POU2AF2: variants seen among roughly 807,000 people sequenced by gnomAD.
POU2AF2 encodes the protein POU domain class 2-associating factor 2.
At chr11:111,268,284 T>G in the POU2AF2 span, among the ~76,000 whole-genome samples, 2 of 152,070 alleles carry the variant, frequency 1.3e-5, no homozygotes, top group South Asian at 4.1e-4. Flanking sequence ...ACCACTGCAA[T>G]TACAGGAAAT....
At chr11:111,264,573 A>AAGGAGAGAGAG in the POU2AF2 span, among the ~76,000 whole-genome samples, 2 of 31,796 alleles carry the variant, frequency 6.3e-5, no homozygotes, top group African/African-American at 2.3e-4. Context: ...AGAAAGAAAG[A>AAGGAGAGAGAG]AAGGGAGAGA....
the POU2AF2 span, chr11:111,285,681 ACGGTCTCAGCCAGC>A: frequency 6.2e-7 from 1 of 1,613,218 alleles, no homozygotes; most frequent in Non-Finnish European, 8.5e-7. Flanking sequence ...ACGTTGCCTG[ACGGTCTCAGCCAGC>A]CTGACCCTGT....
chr11:111,265,464 G>T, the POU2AF2 span, among the ~76,000 whole-genome samples: 525 of 152,140 alleles, frequency 3.5e-3, 7 homozygotes, highest in African/African-American at 0.012. Context: ...ACAGACCAAG[G>T]TTCTGACTCT....
At chr11:111,263,727 A>C in the POU2AF2 span, among the ~76,000 whole-genome samples, 1 of 151,968 alleles carries the variant, frequency 6.6e-6, no homozygotes, top group African/African-American at 2.4e-5. Context: ...CACTGTGCCC[A>C]GCCTGAAGTT....
chr11:111,252,009 C>A, the POU2AF2 span, among the ~76,000 whole-genome samples: 1 of 152,198 alleles, frequency 6.6e-6, no homozygotes, highest in Non-Finnish European at 1.5e-5. Flanking sequence ...TTCCCCTAGG[C>A]TTTTTGGCAT....
At chr11:111,253,267 A>G in the POU2AF2 span, among the ~76,000 whole-genome samples, 1 of 152,172 alleles carries the variant, frequency 6.6e-6, no homozygotes, top group African/African-American at 2.4e-5. Context: ...AGGCATTCCA[A>G]AGATACTGAT....
At chr11:111,254,948 G>A in the POU2AF2 span, among the ~76,000 whole-genome samples, 1 of 152,154 alleles carries the variant, frequency 6.6e-6, no homozygotes, top group African/African-American at 2.4e-5. Context: ...ATTATAGTTA[G>A]AAAACATCTT....
At chr11:111,268,580 C>A in the POU2AF2 span, among the ~76,000 whole-genome samples, 1 of 147,468 alleles carries the variant, frequency 6.8e-6, no homozygotes, top group African/African-American at 2.5e-5. Flanking sequence ...GTTGCCCAGG[C>A]TGAAGTGCAA....
At chr11:111,271,054 G>C in the POU2AF2 span, among the ~76,000 whole-genome samples, 27 of 152,310 alleles carry the variant, frequency 1.8e-4, no homozygotes, top group Admixed American at 6.5e-4. Flanking sequence ...GGGGTGCAGT[G>C]GCTCATGCCT....
the POU2AF2 span, among the ~76,000 whole-genome samples, chr11:111,264,611 A>G: frequency 1.0e-5 from 1 of 95,720 alleles, no homozygotes; most frequent in Non-Finnish European, 2.4e-5. Flanking sequence ...AAGAGACGAA[A>G]GAAAGAAAGA....
At chr11:111,279,575 C>A in the POU2AF2 span, among the ~76,000 whole-genome samples, 2 of 152,248 alleles carry the variant, frequency 1.3e-5, no homozygotes, top group South Asian at 2.1e-4. Flanking sequence ...CTTCACATGA[C>A]CTTGTCCCAT....
chr11:111,258,534 C>A, the POU2AF2 span, among the ~76,000 whole-genome samples: 1 of 152,172 alleles, frequency 6.6e-6, no homozygotes, highest in African/African-American at 2.4e-5. Context: ...ATACTTTTTT[C>A]TTTAAAATTT....
At chr11:111,250,784 A>T in the POU2AF2 span, among the ~76,000 whole-genome samples, 1 of 152,206 alleles carries the variant, frequency 6.6e-6, no homozygotes, top group South Asian at 2.1e-4. Context: ...AAGTAGACAA[A>T]ATCATTTAGC....
the POU2AF2 span, among the ~76,000 whole-genome samples, chr11:111,277,729 G>C: frequency 1.3e-5 from 2 of 152,192 alleles, no homozygotes; most frequent in Non-Finnish European, 2.9e-5. Context: ...AGAGAAGGTG[G>C]GAGAAGAACA....
At chr11:111,264,844 A>C in the POU2AF2 span, among the ~76,000 whole-genome samples, 1 of 147,550 alleles carries the variant, frequency 6.8e-6, no homozygotes, top group Non-Finnish European at 1.5e-5. Flanking sequence ...AGAGGAAGGA[A>C]GGAAGGAAAA....
the POU2AF2 span, among the ~76,000 whole-genome samples, chr11:111,246,291 T>C: frequency 1.3e-5 from 2 of 152,220 alleles, no homozygotes; most frequent in African/African-American, 4.8e-5. Flanking sequence ...CTTTTATTCA[T>C]GCATCTTGTT....
At chr11:111,258,211 A>T in the POU2AF2 span, among the ~76,000 whole-genome samples, 1 of 152,228 alleles carries the variant, frequency 6.6e-6, no homozygotes, top group East Asian at 1.9e-4. Flanking sequence ...ACTTAAAATG[A>T]ACCACAGCTT....
the POU2AF2 span, among the ~76,000 whole-genome samples, chr11:111,258,205 A>G: frequency 6.6e-6 from 1 of 152,252 alleles, no homozygotes; most frequent in Non-Finnish European, 1.5e-5. Flanking sequence ...GAATCTACTT[A>G]AAATGAACCA....
At chr11:111,272,654 A>G in the POU2AF2 span, among the ~76,000 whole-genome samples, 1 of 152,192 alleles carries the variant, frequency 6.6e-6, no homozygotes, top group Admixed American at 6.5e-5. Flanking sequence ...AATTACATAT[A>G]TATTTATGCA....
Sources: gnomAD v4.1 joint callset for allele counts (sites outside exome capture counted in the v4.1 genomes callset) on GRCh38, gnomAD v4.1.1 for gene constraint, MANE v1.5 for transcripts, NCBI Gene and HGNC (gene_info 2026-07-23, HGNC 2026-07-21) for gene names.